The following SULF2 variants were observed in gnomAD, a reference collection of about 807,000 sequenced individuals.
SULF2 encodes extracellular sulfatase Sulf-2.
Under a neutral mutation model 107.7 loss-of-function variants are expected in SULF2, and 52 were observed. The observed-to-expected ratio is 0.48, with a 90% CI of 0.39 to 0.61. The LOEUF (loss-of-function observed/expected upper bound fraction) is 0.61, where lower values mean the gene tolerates loss of function less well. Ranked by LOEUF, SULF2 falls within the 20% of genes least tolerant of loss-of-function variation. The probability of loss-of-function intolerance (pLI) is 0.00; values close to 1 mark genes in which losing one functional copy is unlikely to be tolerated. For synonymous variants in SULF2, 460 were observed against 464.3 expected, an observed-to-expected ratio of 0.99 and a Z score of 0.12; for missense variants, 993 against 1,177.3, an observed-to-expected ratio of 0.84 and a Z score of 2.29.
At chr20:47,670,448 T>C (rs1359760850) in intron 11 of SULF2, among the ~76,000 whole-genome samples, 1 of 151,256 alleles carries the variant, frequency 6.6e-6, no homozygotes, top group East Asian at 2.0e-4. Flanking sequence ...TGCCTTGGCC[T>C]CCCGAAATGC....
At chr20:47,701,090 AC>A (rs1568832829) in intron 4 of SULF2, among the ~76,000 whole-genome samples, 1 of 152,262 alleles carries the variant, frequency 6.6e-6, no homozygotes, top group Non-Finnish European at 1.5e-5. Flanking sequence ...ACTGGAGACA[AC>A]CAAAATGTCC....
intron 3 of SULF2, among the ~76,000 whole-genome samples, chr20:47,707,142 C>A (rs1201976054): frequency 2.0e-5 from 3 of 151,846 alleles, no homozygotes; most frequent in Non-Finnish European, 4.4e-5. Flanking sequence ...GGCATGGCCA[C>A]CACACCTGGC....
chr20:47,697,239 A>G (rs946963049), intron 4 of SULF2, among the ~76,000 whole-genome samples: 3 of 152,090 alleles, frequency 2.0e-5, no homozygotes, highest in Non-Finnish European at 4.4e-5. Flanking sequence ...CTTGTCCTGT[A>G]TCACTCTTTT....
chr20:47,723,343 T>C (rs2089347683), intron 3 of SULF2, among the ~76,000 whole-genome samples: 1 of 151,372 alleles, frequency 6.6e-6, no homozygotes, highest in Non-Finnish European at 1.5e-5. Context: ...TGGTCGAGAA[T>C]GAGAGGGTTG....
intron 3 of SULF2, among the ~76,000 whole-genome samples, chr20:47,733,575 C>A (rs6066453): frequency 6.6e-6 from 1 of 152,284 alleles, no homozygotes; most frequent in African/African-American, 2.4e-5. Context: ...GAGTTTGAGA[C>A]CAGCTTGGCC....
chr20:47,767,418 G>A (rs1007482025), intron 1 of SULF2, among the ~76,000 whole-genome samples: 1 of 152,216 alleles, frequency 6.6e-6, no homozygotes, highest in African/African-American at 2.4e-5. Context: ...GCCAAGGCAG[G>A]TGGATCATTT....
chr20:47,736,806 G>C lies in SULF2; in HGVS notation c.312C>G (p.His104Gln). The C allele has an allele frequency of 6.2e-7, 1 of 1,614,196 alleles. No individual in the cohort carries two copies. Among genetic ancestry groups the C allele is most frequent in the South Asian group, 1.1e-5 (1 of 91,084 alleles). The change falls in exon 3 of 21, where the codon CAC (histidine) becomes CAG (glutamine). Residue 104 changes from histidine (H) to glutamine (Q), a missense_variant. Physicochemically the swap from His to Gln is conservative, Grantham distance 24. This residue lies in a region of SULF2 where 388 missense variants were observed against 449.2 expected (regional missense o/e 0.86). Transcript: ENST00000688720. ...AGTTCTCATTGTTGGTGTAGGTGTT[G>C]TGGTTGTGGACGTACTTGCCAGTGA... is the stretch of plus-strand genomic sequence containing the variant. Reference protein sequence around the residue: ...SILTGKYVHNHNTYTNNENCS... With the variant: ...SILTGKYVHNQNTYTNNENCS...
chr20:47,741,388 C>T (rs774254966), intron 2 of SULF2, among the ~76,000 whole-genome samples: 10 of 152,100 alleles, frequency 6.6e-5, no homozygotes, highest in Non-Finnish European at 8.8e-5. Flanking sequence ...AGCCCCGCAG[C>T]GGTGCCCTCA....
At chr20:47,751,643 C>A (rs1040100068) in intron 2 of SULF2, among the ~76,000 whole-genome samples, 2 of 152,180 alleles carry the variant, frequency 1.3e-5, no homozygotes, top group African/African-American at 2.4e-5. Flanking sequence ...CACCCAGAGA[C>A]AAAGCTCCTA....
At chr20:47,677,013 C>G in intron 9 of SULF2, 65 bp downstream of exon 9, 2 of 1,576,472 alleles carry the variant, frequency 1.3e-6, no homozygotes, top group Non-Finnish European at 1.7e-6. Flanking sequence ...GGTGGGGCTA[C>G]AGAAGCTTCC....
Position 47,768,511 on chromosome 20 carries a change from G to A in SULF2, c.-100-11048C>T, listed in dbSNP as rs115339129. 6.2e-3 allele frequency among the ~76,000 whole-genome samples: 944 copies of A among 152,332 alleles called. 2 individuals carry two copies. Among genetic ancestry groups the A allele is most frequent in the Non-Finnish European group, 9.8e-3 (666 of 68,028 alleles). ...GGCTGGAGGCAGAGGGCTGACTCCC[G>A]TGGCTTCCTGGCCACCTCGTGCCTG... is the stretch of plus-strand genomic sequence containing the variant. On this transcript the variant is annotated intron_variant, in intron 1 of 20. Coordinates refer to ENST00000688720, the MANE Select transcript of SULF2 (RefSeq NM_001387048.1).
At chr20:47,697,486 C>A (rs12481651) in intron 4 of SULF2, among the ~76,000 whole-genome samples, 13,845 of 152,278 alleles carry the variant, frequency 0.091, 722 homozygotes, top group East Asian at 0.17. Context: ...GGGCACAGGG[C>A]TCCTGAGCTC....
chr20:47,727,069 G>A (rs544928589), intron 3 of SULF2, among the ~76,000 whole-genome samples: 3 of 146,820 alleles, frequency 2.0e-5, no homozygotes, highest in East Asian at 3.9e-4. Context: ...GGGGGGGGGC[G>A]GGGTTTAATG....
At chr20:47,714,919 G>A (rs183792815) in intron 3 of SULF2, among the ~76,000 whole-genome samples, 11 of 152,068 alleles carry the variant, frequency 7.2e-5, no homozygotes, top group Admixed American at 7.2e-4. Flanking sequence ...TTTGCTCAAA[G>A]CTTTTAATTT....
At position 47,678,848 on chromosome 20, in the gene SULF2, G is replaced by C; in HGVS notation, c.1065-44C>G. On this transcript the variant is annotated intron_variant, in intron 7 of 20. Coordinates refer to ENST00000688720, the MANE Select transcript of SULF2 (RefSeq NM_001387048.1). The surrounding 1 kb of genome is among the most constrained non-coding windows in gnomAD (Gnocchi z 4.5). ...CGGGGACTCAGTCACTCAGGTGGTG[G>C]TGCCTCAGCCTCGCGTGGGGGGTGG... 6.3e-7 allele frequency: 1 copy of C among 1,597,582 alleles called. No homozygotes were observed.
intron 1 of SULF2, among the ~76,000 whole-genome samples, chr20:47,768,228 T>C (rs2090562638): frequency 6.6e-6 from 1 of 152,210 alleles, no homozygotes; most frequent in African/African-American, 2.4e-5. Context: ...AACACAGCAG[T>C]GCTGTGAAAT....
At chr20:47,731,556 G>T (rs1042734602) in intron 3 of SULF2, among the ~76,000 whole-genome samples, 32 of 152,074 alleles carry the variant, frequency 2.1e-4, no homozygotes, top group African/African-American at 7.0e-4. Context: ...CTGTCCGTTG[G>T]ATCTAAAGGG....
Position 47,672,257 on chromosome 20 carries a change from C to T in SULF2, c.1517G>A (p.Cys506Tyr), listed in dbSNP as rs1253279502. The T allele has an allele frequency of 1.2e-6, 2 of 1,613,410 alleles. No individual in the cohort carries two copies. Among genetic ancestry groups the T allele is most frequent in the African/African-American group, 2.7e-5 (2 of 74,928 alleles). ...GCTGAGCTTGTAGTCCCCGCTGTCA[C>T]AGGTGCAGGCCTCGCTGCCCTGCCC... ...YYGQGSEACT[C>Y]DSGDYKLSLA... Residue 506 changes from cysteine (C) to tyrosine (Y), a missense_variant, in exon 11 of 21, where the codon TGT (cysteine) becomes TAT (tyrosine). Physicochemically the swap from Cys to Tyr is radical, Grantham distance 194. Coordinates refer to ENST00000688720, the MANE Select transcript of SULF2 (RefSeq NM_001387048.1).
chr20:47,743,765 C>T (rs2089944232), intron 2 of SULF2, among the ~76,000 whole-genome samples: 1 of 152,214 alleles, frequency 6.6e-6, no homozygotes, highest in African/African-American at 2.4e-5. Flanking sequence ...CCAACTACAA[C>T]TCCTACTGTG....
Sources: gnomAD v4.1 joint callset for allele counts (sites outside exome capture counted in the v4.1 genomes callset) on GRCh38, gnomAD v4.1.1 for gene constraint, gnomAD v4.1.1 regional missense constraint, Gnocchi (gnomAD v3.1) non-coding constraint, MANE v1.5 for transcripts, NCBI Gene and HGNC (gene_info 2026-07-23, HGNC 2026-07-21) for gene names.